The following CHRM2 variants were observed in gnomAD, a reference collection of about 807,000 sequenced individuals.
CHRM2 encodes the protein cholinergic receptor muscarinic 2.
Under a neutral mutation model 25.0 loss-of-function variants are expected in CHRM2, and 8 were observed. The ratio of observed to expected loss-of-function variants is 0.32; its 90% CI spans 0.19 to 0.58. The LOEUF is 0.58. CHRM2 is among the 20% of genes least tolerant of loss of function. The pLI, the probability that CHRM2 is intolerant of heterozygous loss-of-function variation, is 0.88. For synonymous variants in CHRM2, 202 were observed against 205.7 expected (o/e 0.98, Z 0.15); for missense variants, 440 against 567.1 (o/e 0.78, Z 2.28).
chr7:136,947,021 T>C (rs750634974), intron 2 of CHRM2, among the ~76,000 whole-genome samples: 1 of 152,204 alleles, frequency 6.6e-6, no homozygotes, highest in East Asian at 1.9e-4. Flanking sequence ...ATTCATTCTA[T>C]TGAAATATTC....
chr7:136,927,888 T>C (rs1222051036), intron 2 of CHRM2, among the ~76,000 whole-genome samples: 1 of 152,204 alleles, frequency 6.6e-6, no homozygotes, highest in Non-Finnish European at 1.5e-5. Context: ...GGAAGCAGAC[T>C]CATGATATGG....
intron 2 of CHRM2, among the ~76,000 whole-genome samples, chr7:136,954,094 G>A (rs1317695081): frequency 6.6e-6 from 1 of 152,164 alleles, no homozygotes; most frequent in African/African-American, 2.4e-5. Context: ...TTTGAGGTAA[G>A]AGTGAGCTGA....
chr7:136,977,779 G>A (rs1202392091), intron 2 of CHRM2, among the ~76,000 whole-genome samples: 1 of 152,158 alleles, frequency 6.6e-6, no homozygotes, highest in Non-Finnish European at 1.5e-5. Context: ...TGTTGCAATT[G>A]CTTTTGGGGA....
intron 2 of CHRM2, among the ~76,000 whole-genome samples, chr7:136,906,393 T>C (rs574637409): frequency 6.6e-6 from 1 of 151,360 alleles, no homozygotes; most frequent in South Asian, 2.1e-4. Context: ...TATGTATGTA[T>C]TATACATATG....
At chr7:136,987,941 T>C (rs1802967348) in intron 2 of CHRM2, among the ~76,000 whole-genome samples, 1 of 152,104 alleles carries the variant, frequency 6.6e-6, no homozygotes, top group South Asian at 2.1e-4. Flanking sequence ...TTAATATTAG[T>C]ATTTTCCCTT....
chr7:136,918,374 A>G (rs1289342272), intron 2 of CHRM2, among the ~76,000 whole-genome samples: 1 of 152,034 alleles, frequency 6.6e-6, no homozygotes, highest in African/African-American at 2.4e-5. Flanking sequence ...ATTTTGTTTC[A>G]TCTTTTCATA....
intron 2 of CHRM2, among the ~76,000 whole-genome samples, chr7:136,895,052 T>C (rs1205676250): frequency 1.3e-5 from 2 of 152,146 alleles, no homozygotes; most frequent in African/African-American, 4.8e-5. Flanking sequence ...AGTTAGAAAA[T>C]TTTTCTAGGG....
At chr7:136,894,521 G>A (rs572808069) in intron 2 of CHRM2, among the ~76,000 whole-genome samples, 41 of 152,068 alleles carry the variant, frequency 2.7e-4, no homozygotes, top group Admixed American at 2.2e-3. Flanking sequence ...ACAGACACAT[G>A]CCACCACGCC....
Position 136,894,485 on chromosome 7 carries a change from C to CTT in CHRM2, c.-125+25067_-125+25068insTT, listed in dbSNP as rs1207938577. On this transcript the variant is annotated intron_variant, in intron 2 of 3. Coordinates refer to ENST00000680005, the MANE Select transcript of CHRM2 (RefSeq NM_001006630.2). ...CTCCCAGGTTCAAGCAATTCTCCTG[C>CTT]CTCAGCCTCCCGAGTAGGTGAGATT... Among the ~76,000 whole-genome samples the CTT allele has an allele frequency of 2.2e-4, 33 of 152,212 alleles. No homozygotes were observed. The South Asian group carries it at 4.6e-3, about 21-fold the overall frequency.
chr7:136,926,972 A>T (rs1798783346), intron 2 of CHRM2, among the ~76,000 whole-genome samples: 1 of 152,278 alleles, frequency 6.6e-6, no homozygotes, highest in South Asian at 2.1e-4. Flanking sequence ...TCTACAATAC[A>T]CATTTTCTAT....
At chr7:136,981,185 C>T (rs971953018) in intron 2 of CHRM2, among the ~76,000 whole-genome samples, 11 of 152,090 alleles carry the variant, frequency 7.2e-5, no homozygotes, top group African/African-American at 2.7e-4. Context: ...TTGTATCTGT[C>T]CAGGAATTTA....
intron 2 of CHRM2, among the ~76,000 whole-genome samples, chr7:136,935,321 A>G (rs1340233986): frequency 6.6e-6 from 1 of 152,162 alleles, no homozygotes; most frequent in Non-Finnish European, 1.5e-5. Flanking sequence ...ATCAATTATG[A>G]AAGAAGTCAG....
chr7:137,011,215 G>GTGTGTGTGTGTATATATATATATATA, intron 3 of CHRM2, among the ~76,000 whole-genome samples: 32 of 134,322 alleles, frequency 2.4e-4, no homozygotes, highest in South Asian at 6.6e-4. Flanking sequence ...GTGTGTGTGT[G>GTGTGTGTGTGTATATATATATATATA]TATATATATA....
At chr7:136,976,059 A>G (rs568238065) in intron 2 of CHRM2, among the ~76,000 whole-genome samples, 2 of 152,308 alleles carry the variant, frequency 1.3e-5, no homozygotes, top group East Asian at 3.9e-4. Context: ...CTAGATCTTG[A>G]AGAATGGATA....
intron 3 of CHRM2, among the ~76,000 whole-genome samples, chr7:137,013,994 A>G (rs963611720): frequency 7.9e-5 from 12 of 152,060 alleles, no homozygotes; most frequent in Non-Finnish European, 1.5e-4. Context: ...TTTGAAAAAC[A>G]AAACATTCAG....
At chr7:136,899,477 A>T (rs1035516001) in intron 2 of CHRM2, 1 of 152,124 alleles carries the variant, frequency 6.6e-6, no homozygotes, top group Non-Finnish European at 1.5e-5. Flanking sequence ...CAAATGAGAT[A>T]AACAATATGA....
chr7:136,938,511 C>T, intron 2 of CHRM2: 2 of 1,001,856 alleles, frequency 2.0e-6, no homozygotes, highest in East Asian at 2.4e-5. Flanking sequence ...TAAGGGGGCT[C>T]AGCAGGCTCT....
At chr7:136,945,857 T>C (rs780518426) in intron 2 of CHRM2, among the ~76,000 whole-genome samples, 15 of 152,158 alleles carry the variant, frequency 9.9e-5, no homozygotes, top group Non-Finnish European at 8.8e-5. Flanking sequence ...GGATAAACAC[T>C]AAGCAATTCC....
chr7:137,001,246 T>C (rs910339625), intron 3 of CHRM2, among the ~76,000 whole-genome samples: 1 of 152,158 alleles, frequency 6.6e-6, no homozygotes, highest in African/African-American at 2.4e-5. Flanking sequence ...TGTGATTTAC[T>C]AGTTTAGCAC....
Sources: gnomAD v4.1 joint callset for allele counts (sites outside exome capture counted in the v4.1 genomes callset) on GRCh38, gnomAD v4.1.1 for gene constraint, MANE v1.5 for transcripts, NCBI Gene and HGNC (gene_info 2026-07-23, HGNC 2026-07-21) for gene names.